Variants in EPB41L3 observed in about 807,000 individuals in gnomAD.
The protein encoded by EPB41L3 is erythrocyte membrane protein band 4.1 like 3, also known as band 4.1-like protein 3.
Under a neutral mutation model 127.1 loss-of-function variants are expected in EPB41L3, and 57 were observed. That is an observed-to-expected ratio of 0.45 (90% CI 0.36 to 0.56). The LOEUF (loss-of-function observed/expected upper bound fraction) is 0.56, where lower values mean the gene tolerates loss of function less well. EPB41L3 is among the 20% of genes least tolerant of loss of function. The pLI is 0.00. For missense variants in EPB41L3, 1,273 were observed against 1,372.2 expected, an observed-to-expected ratio of 0.93 and a Z score of 1.14; for synonymous variants, 572 against 549.5, an observed-to-expected ratio of 1.04 and a Z score of -0.57.
intron 8 of EPB41L3, among the ~76,000 whole-genome samples, chr18:5,430,361 C>T (rs2078823786): frequency 6.6e-6 from 1 of 152,186 alleles, no homozygotes; most frequent in South Asian, 2.1e-4. Context: ...GGCCAGCGCA[C>T]TGCCTACCTT....
At chr18:5,417,143 G>A (rs1409137171) in intron 12 of EPB41L3, among the ~76,000 whole-genome samples, 6 of 152,188 alleles carry the variant, frequency 3.9e-5, no homozygotes, top group African/African-American at 1.2e-4. Flanking sequence ...CTTGTAACAT[G>A]CTTTGCCAGT....
In EPB41L3 at chr18:5,419,720, G is replaced by C. The variant is rs780846021; in HGVS notation, c.1497C>G (p.His499Gln). The C allele has an allele frequency of 4.6e-5, 74 of 1,613,906 alleles. No homozygotes were observed. Among genetic ancestry groups the C allele is most frequent in the Non-Finnish European group, 6.2e-5 (73 of 1,180,024 alleles). ...AGTCTGGGAGCTATACCTTTCCCTC[G>C]TGCCGGATGGCCGAGATGGGCGTGA... ...EEVTPISAIRHEGKSPGLGTD... is the reference protein window; with the variant it reads ...EEVTPISAIRQEGKSPGLGTD... Residue 499 changes from histidine (H) to glutamine (Q), a missense_variant, in exon 12 of 23, where the codon CAC becomes CAG. His to Gln is a conservative substitution (Grantham distance 24). Around this residue, in one of 3 missense-constraint regions of EPB41L3, gnomAD observed 765 missense variants for 782.9 expected, o/e 0.98. Transcript: ENST00000341928.
chr18:5,433,365 G>T (rs1300504979), intron 8 of EPB41L3, 104 bp downstream of exon 8: 2 of 765,824 alleles, frequency 2.6e-6, no homozygotes, highest in Non-Finnish European at 4.3e-6. Context: ...ATTCTCAGAG[G>T]TTTCATTTAC....
chr18:5,532,909 TTAAA>T (rs2093456095), intron 1 of EPB41L3, among the ~76,000 whole-genome samples: 1 of 152,040 alleles, frequency 6.6e-6, no homozygotes, highest in Non-Finnish European at 1.5e-5. Context: ...AATCCAACTC[TTAAA>T]TAAGAGCATG....
chr18:5,425,589 A>C (rs1239582693), intron 9 of EPB41L3, among the ~76,000 whole-genome samples: 1 of 152,124 alleles, frequency 6.6e-6, no homozygotes, highest in African/African-American at 2.4e-5. Context: ...AGGCTCCTAG[A>C]CTACCTGAAT....
At position 5,493,993 on chromosome 18, in the gene EPB41L3, C is replaced by T. The variant is rs2090889067; in HGVS notation, c.-11-4799G>A. Among the ~76,000 whole-genome samples, 5 of 152,052 alleles carry T rather than the reference C, an allele frequency of 3.3e-5. No homozygotes were observed. The South Asian group carries it at 6.2e-4, about 19-fold the overall frequency. On this transcript the variant is annotated intron_variant, in intron 1 of 22. Transcript: ENST00000341928. ...TAAACTTCACAATTCTTTACAAATCCATCTCACTCTTTAAATTCTCTTTCT... is the reference window on the plus strand; with the variant it reads ...TAAACTTCACAATTCTTTACAAATCTATCTCACTCTTTAAATTCTCTTTCT...
At chr18:5,561,388 C>A (rs1484758724) in intron 3 of EPB41L3, among the ~76,000 whole-genome samples, 3 of 152,034 alleles carry the variant, frequency 2.0e-5, no homozygotes, top group African/African-American at 7.3e-5. Flanking sequence ...AGAAAGGACA[C>A]AGGAGACAGC....
intron 3 of EPB41L3, among the ~76,000 whole-genome samples, chr18:5,566,783 T>TATTCC (rs1465279829): frequency 1.3e-5 from 1 of 77,462 alleles, no homozygotes; most frequent in African/African-American, 3.9e-5. Context: ...TATTCTATTC[T>TATTCC]ATTCTATTCC....
At chr18:5,534,754 A>G (rs935394818) in intron 1 of EPB41L3, among the ~76,000 whole-genome samples, 1 of 152,314 alleles carries the variant, frequency 6.6e-6, no homozygotes, top group South Asian at 2.1e-4. Flanking sequence ...GAAAACATGT[A>G]CTATGTGTAT....
At chr18:5,583,042 G>A (rs2094409127) in intron 3 of EPB41L3, among the ~76,000 whole-genome samples, 1 of 152,176 alleles carries the variant, frequency 6.6e-6, no homozygotes, top group African/African-American at 2.4e-5. Flanking sequence ...GAAAAGAGGT[G>A]GGAGAACGTT....
chr18:5,451,301 A>G (rs1354942520), intron 3 of EPB41L3, among the ~76,000 whole-genome samples: 1 of 152,164 alleles, frequency 6.6e-6, no homozygotes, highest in Non-Finnish European at 1.5e-5. Context: ...GAGCTCACTG[A>G]GTTAAACAGT....
chr18:5,462,644 G>A (rs981351078), intron 3 of EPB41L3, among the ~76,000 whole-genome samples: 1 of 152,118 alleles, frequency 6.6e-6, no homozygotes, highest in African/African-American at 2.4e-5. Flanking sequence ...GAGGGTGGGG[G>A]ATTTGTCAAA....
chr18:5,500,039 C>T (rs999741967), intron 1 of EPB41L3, among the ~76,000 whole-genome samples: 2 of 152,062 alleles, frequency 1.3e-5, no homozygotes, highest in Non-Finnish European at 2.9e-5. Flanking sequence ...TAACTTTCCA[C>T]TATGGCGGCT....
chr18:5,489,004 C>T lies in EPB41L3; in HGVS notation c.180G>A (p.Arg60=), dbSNP rs1192377152. The change falls in exon 2 of 23, where the codon AGG becomes AGA. Residue 60 remains arginine, a synonymous_variant. Transcript: ENST00000341928. ...AAAAHSTPVR[R]EVTDKEQEFA... ...TAGTTTTCTGGCCTGGGCTCACCTCCCTCCGCACCGGGGTGCTGTGCGCTG... is the reference window on the plus strand; with the variant it reads ...TAGTTTTCTGGCCTGGGCTCACCTCTCTCCGCACCGGGGTGCTGTGCGCTG... The T allele has an allele frequency of 6.3e-7, 1 of 1,581,130 alleles. No individual in the cohort carries two copies. The highest frequency in any genetic ancestry group is 1.1e-5 in the South Asian group (1 of 89,160).
In EPB41L3 at chr18:5,605,326, T is replaced by G. The variant is rs527637195; in HGVS notation, c.-306+7014A>C. On this transcript the variant is annotated intron_variant, in intron 3 of 21. Coordinates refer to the EPB41L3 transcript ENST00000545076. ...CACAATCTATGACAGCCTACCAAATTTCAAGTGTTAGGTACACAGACATCA... is the reference window on the plus strand; with the variant it reads ...CACAATCTATGACAGCCTACCAAATGTCAAGTGTTAGGTACACAGACATCA... Among the ~76,000 whole-genome samples the G allele has an allele frequency of 2.6e-5, 4 of 152,242 alleles. No homozygotes were observed. In the South Asian group the frequency reaches 6.2e-4, roughly 24 times the overall value.
intron 1 of EPB41L3, among the ~76,000 whole-genome samples, chr18:5,531,190 C>A (rs1358878500): frequency 6.6e-6 from 1 of 152,194 alleles, no homozygotes; most frequent in African/African-American, 2.4e-5. Flanking sequence ...GTGTATGTTT[C>A]TGAGAGGTTC....
chr18:5,444,448 TAAC>T (rs1318941830), intron 4 of EPB41L3, among the ~76,000 whole-genome samples: 3 of 152,102 alleles, frequency 2.0e-5, no homozygotes, highest in African/African-American at 7.2e-5. Context: ...CCAAAATGAG[TAAC>T]AACTATGAGC....
chr18:5,407,557 A>G (rs2075605728), intron 15 of EPB41L3, 144 bp downstream of exon 15: 6 of 769,422 alleles, frequency 7.8e-6, no homozygotes, highest in Non-Finnish European at 1.3e-5. Context: ...TCAAGGGAAC[A>G]AATGCCAACC....
intron 13 of EPB41L3, among the ~76,000 whole-genome samples, chr18:5,415,497 G>A (rs1438711048): frequency 6.6e-6 from 1 of 152,184 alleles, no homozygotes; most frequent in Admixed American, 6.5e-5. Flanking sequence ...TAACTGATCA[G>A]AACCTTTAGC....
Sources: allele counts gnomAD v4.1 joint callset (sites outside exome capture counted in the v4.1 genomes callset), GRCh38; gene constraint gnomAD v4.1.1; regional missense constraint gnomAD v4.1.1; transcripts MANE v1.5; gene names NCBI Gene and HGNC (gene_info 2026-07-23, HGNC 2026-07-21).